The following CFAP92 variants were observed in gnomAD, a reference collection of about 807,000 sequenced individuals.
CFAP92 encodes the protein uncharacterized protein CFAP92.
A neutral mutation model predicts 106.3 loss-of-function variants in CFAP92; 86 were observed. That is an observed-to-expected ratio of 0.81 (90% CI 0.68 to 0.97). CFAP92 has a LOEUF of 0.97. Among genes scored for constraint, CFAP92 ranks in the 50% least tolerant of loss-of-function variants. The pLI is 0.00. For missense variants in CFAP92, 1,204 were observed against 1,283.8 expected, an observed-to-expected ratio of 0.94 and a Z score of 0.95; for synonymous variants, 477 against 506.4, an observed-to-expected ratio of 0.94 and a Z score of 0.78.
chr3:128,925,856 CAG>C (rs1305043949), intron 12 of CFAP92, among the ~76,000 whole-genome samples: 1 of 152,164 alleles, frequency 6.6e-6, no homozygotes, highest in Non-Finnish European at 1.5e-5. Flanking sequence ...AGCTGACCAA[CAG>C]AAACAATGGA....
At chr3:128,932,346 C>T (rs151283059) in intron 12 of CFAP92, among the ~76,000 whole-genome samples, 1 of 149,696 alleles carries the variant, frequency 6.7e-6, no homozygotes, top group East Asian at 2.0e-4. Context: ...CATCTTATGA[C>T]ACTTATGCCC....
At position 128,931,151 on chromosome 3, in the gene CFAP92, C is replaced by T. The variant is rs113047597; in HGVS notation, c.2751+1549G>A. On this transcript the variant is annotated intron_variant, in intron 12 of 15. Transcript: ENST00000645291. ...AACTCCTGGCCTCAAGGGATCTGACCGCCTCAACCTCCCAAAATGCTGGGA... is the reference window on the plus strand; with the variant it reads ...AACTCCTGGCCTCAAGGGATCTGACTGCCTCAACCTCCCAAAATGCTGGGA... Among the ~76,000 whole-genome samples the T allele has an allele frequency of 2.0e-4, 30 of 151,992 alleles. 1 individual carries two copies. Among genetic ancestry groups the T allele is most frequent in the South Asian group, 8.3e-4 (4 of 4,814 alleles).
At chr3:128,937,180 A>C (rs1031581495) in intron 10 of CFAP92, among the ~76,000 whole-genome samples, 2 of 151,912 alleles carry the variant, frequency 1.3e-5, no homozygotes, top group Admixed American at 6.6e-5. Flanking sequence ...GCACACCTGT[A>C]GTCCTAGCTG....
rs941210128 is a variant in CFAP92 at position 128,926,654 on chromosome 3, T to C, written c.2751+6046A>G. 3.3e-5 allele frequency among the ~76,000 whole-genome samples: 5 copies of C among 152,136 alleles called. No homozygotes were observed. The East Asian group carries it at 9.7e-4, about 30-fold the overall frequency. On this transcript the variant is annotated intron_variant, in intron 12 of 15. Coordinates refer to ENST00000645291, the MANE Select transcript of CFAP92 (RefSeq NM_001394090.1). ...GGAAGAAAAGAGCAAGGAAAGGAAG[T>C]GTTATGGACTGAATGTCTTCACCCT...
At chr3:129,004,089 C>A, upstream of CFAP92, 2 of 1,480,702 alleles carry the variant, frequency 1.4e-6, no homozygotes, top group East Asian at 2.8e-5. Flanking sequence ...TGAGCGGGGG[C>A]GCGTGCCCTG....
chr3:128,964,528 C>T (rs1249408504), intron 9 of CFAP92, among the ~76,000 whole-genome samples: 6 of 152,282 alleles, frequency 3.9e-5, no homozygotes, highest in Admixed American at 2.0e-4. Flanking sequence ...GGTGCTATCC[C>T]CAAACTGCCA....
Position 128,971,436 on chromosome 3 carries a change from G to C in CFAP92, c.1022-3C>G. 6.3e-7 allele frequency: 1 copy of C among 1,596,412 alleles called. No homozygotes were observed. Among genetic ancestry groups the C allele is most frequent in the Non-Finnish European group, 8.5e-7 (1 of 1,171,220 alleles). ...TCCCTCTGAATCTTTCCCTTTAACT[G>C]TGAAATCAAACAAAGGAGATGAGCA... On this transcript the variant is annotated splice_region_variant and splice_polypyrimidine_tract_variant and intron_variant, in intron 7 of 15. Coordinates refer to ENST00000645291, the MANE Select transcript of CFAP92 (RefSeq NM_001394090.1).
At position 128,915,166 on chromosome 3, in the gene CFAP92, G is replaced by C; in HGVS notation, c.3233C>G (p.Pro1078Arg). The C allele has an allele frequency of 6.5e-7, 1 of 1,536,148 alleles. No homozygotes were observed. Among genetic ancestry groups the C allele is most frequent in the Non-Finnish European group, 8.7e-7 (1 of 1,146,922 alleles). ...HVDFDLYKKP[P>R]PFLELLPSPA... The stretch of plus-strand genomic sequence containing the variant: ...CGAAGGGAGCAGCTCGAGGAAAGGT[G>C]GTGGTTTCTTGTACAGATCAAAGTC... Residue 1078 changes from proline (P) to arginine (R), a missense_variant, in exon 15 of 16, where the codon CCA becomes CGA. Coordinates refer to ENST00000645291, the MANE Select transcript of CFAP92 (RefSeq NM_001394090.1).
the CFAP92 span, among the ~76,000 whole-genome samples, chr3:129,008,186 T>C: frequency 6.6e-6 from 1 of 152,374 alleles, no homozygotes; most frequent in South Asian, 2.1e-4. Flanking sequence ...TTGAGTCCCA[T>C]ACCTGGGAAC....
At chr3:128,969,163 C>T (rs907192337) in intron 8 of CFAP92, 1 of 151,706 alleles carries the variant, frequency 6.6e-6, no homozygotes, top group Non-Finnish European at 1.5e-5. Context: ...TTGTGAGATC[C>T]ACCCCCTGCC....
intron 12 of CFAP92, among the ~76,000 whole-genome samples, chr3:128,928,699 A>G (rs1475213822): frequency 6.6e-6 from 1 of 152,220 alleles, no homozygotes; most frequent in Admixed American, 6.6e-5. Flanking sequence ...AGTGTAAGAG[A>G]AAGGATATGA....
Position 128,909,886 on chromosome 3 carries a change from A to G in CFAP92, c.*413T>C, listed in dbSNP as rs1409158184. 5 of 1,246,680 alleles carry G rather than the reference A, an allele frequency of 4.0e-6. No homozygotes were observed. Among genetic ancestry groups the G allele is most frequent in the Non-Finnish European group, 4.6e-6 (4 of 870,724 alleles). The allele number at this position is 1,246,680 out of a possible 1,614,324, so 77.2% of individuals were successfully genotyped here. Reference sequence around the variant, plus strand: ...TGGGAGCCGTTCTCCCACAACCTGAAGAGAAAGGTGTTATTGACTCCACTT... The same window carrying G: ...TGGGAGCCGTTCTCCCACAACCTGAGGAGAAAGGTGTTATTGACTCCACTT... On this transcript the variant is annotated 3_prime_UTR_variant, in exon 16 of 16. Coordinates refer to ENST00000645291, the MANE Select transcript of CFAP92 (RefSeq NM_001394090.1).
the CFAP92 span, among the ~76,000 whole-genome samples, chr3:129,021,264 C>T: frequency 6.6e-6 from 1 of 152,214 alleles, no homozygotes; most frequent in South Asian, 2.1e-4. Flanking sequence ...TATATATAAA[C>T]ACAGGGTTTT....
intron 10 of CFAP92, among the ~76,000 whole-genome samples, chr3:128,943,993 G>C (rs1306134088): frequency 7.0e-6 from 1 of 142,006 alleles, no homozygotes; most frequent in East Asian, 2.1e-4. Context: ...TCAGTGGCGT[G>C]ATACTGGCTC....
rs1212942495 is a variant in CFAP92 at position 128,932,941 on chromosome 3, A to C, written c.2510T>G (p.Leu837Arg). ...TTLWDVTVRD[L>R]LPSSAMIKDL... The stretch of plus-strand genomic sequence containing the variant: ...TTTTATCATAGCAGAGGAGGGCAGC[A>C]GGTCCCTCACCGTCACGTCCCAGAG... The change falls in exon 12 of 16, where the codon CTG (leucine) becomes CGG (arginine). Residue 837 changes from leucine to arginine, a missense_variant. Transcript: ENST00000645291. 8.5e-6 allele frequency: 13 copies of C among 1,535,996 alleles called. No homozygotes were observed. Among genetic ancestry groups the C allele is most frequent in the Non-Finnish European group, 1.0e-5 (12 of 1,146,892 alleles).
chr3:129,001,960 G>C, intron 1 of CFAP92: 1 of 1,544,658 alleles, frequency 6.5e-7, no homozygotes, highest in Non-Finnish European at 8.7e-7. Context: ...GTGACCCCCG[G>C]GGATGCGGCC....
intron 9 of CFAP92, among the ~76,000 whole-genome samples, chr3:128,955,018 G>A (rs1262780838): frequency 4.3e-5 from 1 of 23,296 alleles, no homozygotes; most frequent in Non-Finnish European, 6.6e-5. Context: ...GGTGAGGGGC[G>A]CCTCTGCCCG....
chr3:129,003,674 C>A, upstream of CFAP92: 1 of 1,029,664 alleles, frequency 9.7e-7, no homozygotes, highest in Non-Finnish European at 1.2e-6. Flanking sequence ...GCAGACGGCG[C>A]AAGAAACGTG....
chr3:128,945,934 C>T lies in CFAP92; in HGVS notation c.1395G>A (p.Lys465=), dbSNP rs1343568342. The T allele has an allele frequency of 6.9e-7, 1 of 1,449,244 alleles. No homozygotes were observed. Among genetic ancestry groups the T allele is most frequent in the African/African-American group, 1.4e-5 (1 of 70,054 alleles). 89.8% of individuals were successfully genotyped at this position (1,449,244 alleles called of 1,614,324 possible). A position where few individuals can be genotyped will look rare whatever the true frequency, so the allele number is the denominator to read the frequency against. ...MPVYCKYQFH[K]TPVHKTKGEP... ...CCCCCTTGGTCTTGTGAACTGGAGT[C>T]TTATGGAACTGGTACTTGCAGTACA... Residue 465 remains lysine, a synonymous_variant, in exon 10 of 16, where the codon AAG becomes AAA. Transcript: ENST00000645291.
Sources: gnomAD v4.1 joint callset for allele counts (sites outside exome capture counted in the v4.1 genomes callset) on GRCh38, gnomAD v4.1.1 for gene constraint, MANE v1.5 for transcripts, NCBI Gene and HGNC (gene_info 2026-07-23, HGNC 2026-07-21) for gene names.